COL13A1: variants seen among roughly 807,000 people sequenced by gnomAD.
COL13A1 encodes collagen alpha-1(XIII) chain.
Under a neutral mutation model 130.9 loss-of-function variants are expected in COL13A1, and 89 were observed. The ratio of observed to expected loss-of-function variants is 0.68; its 90% confidence interval spans 0.57 to 0.81. The LOEUF (loss-of-function observed/expected upper bound fraction) is 0.81, where lower values mean the gene tolerates loss of function less well. COL13A1 is among the 30% of genes least tolerant of loss of function. The pLI is 0.00. For missense variants in COL13A1, 879 were observed against 934.6 expected (o/e 0.94, Z 0.78); for synonymous variants, 402 against 341.6 (o/e 1.18, Z -1.95).
chr10:69,813,857 G>A (rs970015505), intron 1 of COL13A1, among the ~76,000 whole-genome samples: 1 of 152,148 alleles, frequency 6.6e-6, no homozygotes, highest in Admixed American at 6.5e-5. Flanking sequence ...GGCCAGCACT[G>A]AGCAGCCAGG....
Position 69,802,154 on chromosome 10 carries a change from T to G in COL13A1, c.-270T>G. ...GCGGAGAGAAGGAGAGCCGGTCAGA[T>G]TCCCCTAACTTTCCTGGACTTGGAA... On this transcript the variant is annotated 5_prime_UTR_variant, in exon 1 of 41. Transcript: ENST00000645393. 1 of 417,502 alleles carries G rather than the reference T, an allele frequency of 2.4e-6. No individual in the cohort carries two copies. Among genetic ancestry groups the G allele is most frequent in the Non-Finnish European group, 4.2e-6 (1 of 239,302 alleles). The allele number at this position is 417,502 out of a possible 1,614,324, so 25.9% of individuals were successfully genotyped here. A position where few individuals can be genotyped will look rare whatever the true frequency, so the allele number is the denominator to read the frequency against.
rs543692058 is a variant in COL13A1, at chr10:69,804,674, C to T, written c.294+1957C>T. ...CCTTTTTTTTTTTTTGGCCTATTCT[C>T]ATTCATTCATTCAGAAAATGTTTAC... On this transcript the variant is annotated intron_variant, in intron 1 of 40. Transcript: ENST00000645393. 9.4e-5 allele frequency among the ~76,000 whole-genome samples: 14 copies of T among 148,382 alleles called. No homozygotes were observed. In the South Asian group the frequency reaches 1.7e-3, roughly 18 times the overall value.
At chr10:69,811,212 AC>A (rs1842960660) in intron 1 of COL13A1, among the ~76,000 whole-genome samples, 1 of 149,972 alleles carries the variant, frequency 6.7e-6, no homozygotes, top group Non-Finnish European at 1.5e-5. Flanking sequence ...CCTGCCCACC[AC>A]CCCCTCCCTT....
At chr10:69,911,982 T>G (rs568786994) in intron 17 of COL13A1, among the ~76,000 whole-genome samples, 1 of 152,328 alleles carries the variant, frequency 6.6e-6, no homozygotes, top group Admixed American at 6.5e-5. Flanking sequence ...TCCGTGCAGA[T>G]GGAAGCCCTA....
intron 2 of COL13A1, among the ~76,000 whole-genome samples, chr10:69,832,547 G>A (rs191262497): frequency 1.4e-4 from 21 of 152,354 alleles, no homozygotes; most frequent in African/African-American, 4.8e-4. Context: ...TATTATGGGA[G>A]GGGAGTTGGA....
rs2066696492 is a variant in COL13A1 at position 69,935,387 on chromosome 10, C to T, written c.1766C>T (p.Pro589Leu). The T allele has an allele frequency of 1.3e-6, 2 of 1,564,338 alleles. No homozygotes were observed. The highest frequency in any genetic ancestry group is 1.7e-6 in the Non-Finnish European group (2 of 1,154,146). Residue 589 changes from proline to leucine, a missense_variant, in exon 32 of 41, where the codon CCT (proline) becomes CTT (leucine). Transcript: ENST00000645393. ...CCAGGGCCAGAGGGGCCTCCCGGAC[C>T]TCCGGTAAGTTTGGAGGGCTTGTCA... ...GLPGPEGPPG[P>L]PGLQGVPGPK...
At chr10:69,886,042 C>T (rs1321535229) in intron 7 of COL13A1, among the ~76,000 whole-genome samples, 1 of 152,162 alleles carries the variant, frequency 6.6e-6, no homozygotes, top group South Asian at 2.1e-4. Flanking sequence ...CAGGGAGGAC[C>T]CTAGCAGCCT....
chr10:69,889,748 G>A (rs1220709699), intron 10 of COL13A1, among the ~76,000 whole-genome samples: 1 of 152,188 alleles, frequency 6.6e-6, no homozygotes, highest in Non-Finnish European at 1.5e-5. Context: ...ATGGGCCTTG[G>A]GAGACAAGGT....
intron 2 of COL13A1, among the ~76,000 whole-genome samples, chr10:69,855,613 G>C (rs1856203777): frequency 1.3e-5 from 2 of 152,198 alleles, no homozygotes; most frequent in Admixed American, 6.5e-5. Context: ...ATCCAGGGGT[G>C]ATTAAGTACC....
chr10:69,826,203 C>T (rs939504646), intron 2 of COL13A1, among the ~76,000 whole-genome samples: 1 of 152,192 alleles, frequency 6.6e-6, no homozygotes, highest in Non-Finnish European at 1.5e-5. Flanking sequence ...CTACTTCAGG[C>T]CCGCCACGCT....
chr10:69,843,234 G>A (rs574927453), intron 2 of COL13A1, among the ~76,000 whole-genome samples: 2 of 152,244 alleles, frequency 1.3e-5, no homozygotes, highest in East Asian at 1.9e-4. Context: ...GTGTGATGAT[G>A]TTAAACTCTT....
At chr10:69,888,163 T>A in intron 8 of COL13A1, 141 bp from the exon 9 acceptor site, 5 of 883,792 alleles carry the variant, frequency 5.7e-6, no homozygotes, top group Non-Finnish European at 7.1e-6. Flanking sequence ...CATAGTCACA[T>A]TAACAAGTAC....
chr10:69,868,039 A>G (rs2058697511), intron 3 of COL13A1, among the ~76,000 whole-genome samples: 2 of 151,740 alleles, frequency 1.3e-5, no homozygotes, highest in African/African-American at 4.8e-5. Flanking sequence ...AGGGCAAAGC[A>G]GGCCCCAAAT....
At chr10:69,821,425 A>G (rs1846046806) in intron 1 of COL13A1, among the ~76,000 whole-genome samples, 1 of 152,198 alleles carries the variant, frequency 6.6e-6, no homozygotes, top group Non-Finnish European at 1.5e-5. Context: ...CTGTGCTTCA[A>G]GTCCCTTACC....
intron 1 of COL13A1, among the ~76,000 whole-genome samples, chr10:69,819,208 G>A (rs907091335): frequency 4.6e-5 from 7 of 152,194 alleles, no homozygotes; most frequent in African/African-American, 1.7e-4. Flanking sequence ...CCCTTTCTGG[G>A]ACTTAGTTTC....
intron 2 of COL13A1, among the ~76,000 whole-genome samples, chr10:69,862,163 A>G (rs1198222736): frequency 6.6e-6 from 1 of 152,216 alleles, no homozygotes; most frequent in East Asian, 1.9e-4. Flanking sequence ...TAAGAAATGT[A>G]AAGCTTCTCA....
At chr10:69,944,673 TGAAAAA>T (rs2068196734) in intron 36 of COL13A1, among the ~76,000 whole-genome samples, 1 of 89,712 alleles carries the variant, frequency 1.1e-5, no homozygotes, top group Non-Finnish European at 2.4e-5. Context: ...AAAAAAAAAA[TGAAAAA>T]GAAAAAGAAA....
chr10:69,853,943 G>A (rs1855693957), intron 2 of COL13A1, among the ~76,000 whole-genome samples: 1 of 152,216 alleles, frequency 6.6e-6, no homozygotes, highest in Non-Finnish European at 1.5e-5. Flanking sequence ...TTCACAAAAT[G>A]TCCTTTAATG....
In COL13A1 at chr10:69,937,681, G is replaced by A; in HGVS notation, c.1844G>A (p.Gly615Glu). ...DGAKGEKGFQGEKGDRGPLGL... is the reference protein window; with the variant it reads ...DGAKGEKGFQEEKGDRGPLGL... Reference sequence around the variant, plus strand: ...GCAAAAGGAGAGAAAGGCTTCCAGGGAGAAAAAGGAGACCGTGGTCCCCTG... The same window carrying A: ...GCAAAAGGAGAGAAAGGCTTCCAGGAAGAAAAAGGAGACCGTGGTCCCCTG... The change falls in exon 34 of 41, where the codon GGA becomes GAA. Residue 615 changes from glycine (G) to glutamate (E), a missense_variant. By Grantham distance (98) the Gly-to-Glu change is moderately conservative. Transcript: ENST00000645393. 6.3e-7 allele frequency: 1 copy of A among 1,587,792 alleles called. No individual in the cohort carries two copies. Among genetic ancestry groups the A allele is most frequent in the Non-Finnish European group, 8.7e-7 (1 of 1,156,012 alleles).
Sources: gnomAD v4.1 joint callset for allele counts (sites outside exome capture counted in the v4.1 genomes callset) on GRCh38, gnomAD v4.1.1 for gene constraint, MANE v1.5 for transcripts, NCBI Gene and HGNC (gene_info 2026-07-23, HGNC 2026-07-21) for gene names.